MLIP: variants seen among roughly 807,000 people sequenced by gnomAD.
MLIP encodes muscular LMNA-interacting protein.
A neutral mutation model predicts 84.8 loss-of-function variants in MLIP; 79 were observed. That is an observed-to-expected ratio of 0.93 (90% CI 0.78 to 1.12). The LOEUF is 1.12. Ranked by LOEUF, MLIP falls within the 50% of genes most tolerant of loss-of-function variation. The pLI, the probability that MLIP is intolerant of heterozygous loss-of-function variation, is 0.00. For synonymous variants in MLIP, 504 were observed against 463.0 expected, an observed-to-expected ratio of 1.09 and a Z score of -1.14; for missense variants, 1,257 against 1,160.6, an observed-to-expected ratio of 1.08 and a Z score of -1.21.
intron 11 of MLIP, among the ~76,000 whole-genome samples, chr6:54,214,483 A>G (rs775103069): frequency 6.6e-6 from 1 of 152,280 alleles, no homozygotes; most frequent in South Asian, 2.1e-4. Flanking sequence ...GCCTAGTCCT[A>G]TTGAGACTTC....
At chr6:54,217,981 C>T (rs1042282510) in intron 11 of MLIP, 13 of 985,234 alleles carry the variant, frequency 1.3e-5, no homozygotes, top group Middle Eastern at 1.0e-3. Flanking sequence ...ATAGAGATGC[C>T]ATTAGTGTGT....
At chr6:54,212,561 G>A (rs1322119892) in intron 11 of MLIP, among the ~76,000 whole-genome samples, 1 of 152,236 alleles carries the variant, frequency 6.6e-6, no homozygotes, top group Non-Finnish European at 1.5e-5. Flanking sequence ...GTGCGCCTGT[G>A]TGTGTGCACA....
upstream of MLIP, among the ~76,000 whole-genome samples, chr6:54,106,622 G>T (rs936939710): frequency 6.6e-6 from 1 of 152,186 alleles, no homozygotes; most frequent in Non-Finnish European, 1.5e-5. Context: ...AAACCAAGAA[G>T]AATAATATGA....
chr6:54,099,099 T>C (rs1478935364), intron 1 of MLIP, among the ~76,000 whole-genome samples: 1 of 152,246 alleles, frequency 6.6e-6, no homozygotes, highest in Non-Finnish European at 1.5e-5. Context: ...TCAAGTGTAC[T>C]TAATGATCAT....
Position 54,136,728 on chromosome 6 carries a change from C to G in MLIP, c.659C>G (p.Pro220Arg). 1 of 1,486,410 alleles carries G rather than the reference C, an allele frequency of 6.7e-7. No individual in the cohort carries two copies. The highest frequency in any genetic ancestry group is 9.0e-7 in the Non-Finnish European group (1 of 1,116,246). The allele number at this position is 1,486,410 out of a possible 1,614,324, so 92.1% of individuals were successfully genotyped here. The change falls in exon 4 of 14, where the codon CCC (proline) becomes CGC (arginine). Residue 220 changes from proline (P) to arginine (R), a missense_variant. Transcript: ENST00000502396. ...TCTTTCCTCTAGTTAACTTCTTCTCCCACTACCTCTGAGCAGCTTGCCTGT... is the reference window on the plus strand; with the variant it reads ...TCTTTCCTCTAGTTAACTTCTTCTCGCACTACCTCTGAGCAGCTTGCCTGT... ...QQKHGQLTSS[P>R]TTSEQLACKP...
At chr6:54,211,295 G>T (rs1188406570) in intron 11 of MLIP, among the ~76,000 whole-genome samples, 1 of 152,174 alleles carries the variant, frequency 6.6e-6, no homozygotes, top group Non-Finnish European at 1.5e-5. Context: ...CAAAAGGAAA[G>T]CAAGTTTATA....
intron 8 of MLIP, among the ~76,000 whole-genome samples, chr6:54,167,856 C>T (rs1299298259): frequency 6.6e-6 from 1 of 151,722 alleles, no homozygotes; most frequent in Non-Finnish European, 1.5e-5. Context: ...ACTCTTACTC[C>T]TAGGGGCTCA....
chr6:54,260,032 GC>G (rs1783279359), intron 13 of MLIP, among the ~76,000 whole-genome samples: 1 of 151,800 alleles, frequency 6.6e-6, no homozygotes, highest in Non-Finnish European at 1.5e-5. Flanking sequence ...TTATGGAAAA[GC>G]CCTTGATGGT....
rs921463372 is a variant in MLIP at position 54,136,819 on chromosome 6, C to T, written c.750C>T (p.Leu250=). 8 of 1,530,834 alleles carry T rather than the reference C, an allele frequency of 5.2e-6. No homozygotes were observed. The African/African-American group carries it at 8.2e-5, about 16-fold the overall frequency. The allele number at this position is 1,530,834 out of a possible 1,614,324, so 94.8% of individuals were successfully genotyped here. A position where few individuals can be genotyped will look rare whatever the true frequency, so the allele number is the denominator to read the frequency against. ...ACACACCACCCGACCCAGTTAACCT[C>T]GAGGGAGCCTCTGTCCTAGAGGAGT... ...NPNTPPDPVN[L]EGASVLEEFH... The change falls in exon 4 of 14, where the codon CTC becomes CTT. Residue 250 remains leucine, a synonymous_variant. Coordinates refer to ENST00000502396, the MANE Select transcript of MLIP (RefSeq NM_001281747.2).
chr6:54,191,401 T>C (rs1213832569), intron 10 of MLIP, among the ~76,000 whole-genome samples: 2 of 152,222 alleles, frequency 1.3e-5, no homozygotes, highest in Non-Finnish European at 2.9e-5. Context: ...TGTTTATACA[T>C]ATAGTGTGTA....
chr6:54,025,379 A>G (rs990722343), intron 1 of MLIP, among the ~76,000 whole-genome samples: 1 of 152,210 alleles, frequency 6.6e-6, no homozygotes, highest in Non-Finnish European at 1.5e-5. Flanking sequence ...AACTTCACAT[A>G]ATAAAATAAG....
intron 9 of MLIP, among the ~76,000 whole-genome samples, chr6:54,179,244 T>C (rs1476926207): frequency 6.6e-6 from 1 of 152,210 alleles, no homozygotes. Context: ...TTCATAGGCA[T>C]GGAATATATC....
chr6:54,072,408 T>C (rs1033821073), intron 1 of MLIP, among the ~76,000 whole-genome samples: 2 of 152,290 alleles, frequency 1.3e-5, no homozygotes, highest in Non-Finnish European at 2.9e-5. Flanking sequence ...ATTTCTGCTG[T>C]CTTAGGGTAA....
intron 2 of MLIP, among the ~76,000 whole-genome samples, chr6:54,122,430 A>G (rs1277674819): frequency 6.6e-6 from 1 of 152,196 alleles, no homozygotes; most frequent in Non-Finnish European, 1.5e-5. Context: ...TGTTAGAATA[A>G]CAAAATTTTG....
At chr6:54,168,703 G>A (rs192654902) in intron 8 of MLIP, among the ~76,000 whole-genome samples, 31 of 151,666 alleles carry the variant, frequency 2.0e-4, no homozygotes, top group Admixed American at 1.5e-3. Context: ...GAAAAATTTC[G>A]GGCAGTACTG....
chr6:54,048,900 T>C (rs1765221347), intron 1 of MLIP, among the ~76,000 whole-genome samples: 1 of 152,124 alleles, frequency 6.6e-6, no homozygotes, highest in South Asian at 2.1e-4. Context: ...AACCTACTCC[T>C]CAAAATTAGG....
intron 5 of MLIP, among the ~76,000 whole-genome samples, chr6:54,153,202 T>A (rs1383853568): frequency 6.6e-6 from 1 of 152,170 alleles, no homozygotes; most frequent in East Asian, 1.9e-4. Context: ...AAAACATTTT[T>A]TTTTGGTGCA....
intron 1 of MLIP, chr6:54,046,501 A>T (rs1353837799): frequency 6.6e-6 from 1 of 152,192 alleles, no homozygotes; most frequent in Non-Finnish European, 1.5e-5. Context: ...TTAATGTATG[A>T]TGGTATTTTC....
At chr6:54,257,397 AT>A (rs2150894560) in intron 13 of MLIP, 36 bp downstream of exon 13, 1 of 1,450,488 alleles carries the variant, frequency 6.9e-7, no homozygotes, top group Non-Finnish European at 9.6e-7. Context: ...CTAATTATCC[AT>A]TTCTGTGTGA....
Sources: allele counts gnomAD v4.1 joint callset (sites outside exome capture counted in the v4.1 genomes callset), GRCh38; gene constraint gnomAD v4.1.1; transcripts MANE v1.5; gene names NCBI Gene and HGNC (gene_info 2026-07-23, HGNC 2026-07-21).